MAEA: variants seen among roughly 807,000 people sequenced by gnomAD.
MAEA encodes macrophage erythroblast attacher, E3 ubiquitin ligase, also known as E3 ubiquitin-protein transferase MAEA.
In MAEA, 22 loss-of-function variants were observed where a neutral mutation model predicts 46.2. The ratio of observed to expected loss-of-function variants is 0.48; its 90% confidence interval spans 0.34 to 0.68. The LOEUF (loss-of-function observed/expected upper bound fraction) is 0.68. Ranked by LOEUF, MAEA falls within the 30% of genes least tolerant of loss-of-function variation. The probability of loss-of-function intolerance (pLI) is 0.01; values close to 1 mark genes in which losing one functional copy is unlikely to be tolerated. For missense variants in MAEA, 393 were observed against 558.1 expected, an observed-to-expected ratio of 0.70 and a Z score of 2.98; for synonymous variants, 246 against 222.6, an observed-to-expected ratio of 1.11 and a Z score of -0.94.
At chr4:1,304,462 A>G (rs1279931632) in intron 1 of MAEA, among the ~76,000 whole-genome samples, 1 of 152,018 alleles carries the variant, frequency 6.6e-6, no homozygotes, top group Non-Finnish European at 1.5e-5. Context: ...TTTATTTGAG[A>G]CGGAGTCTCG....
intron 5 of MAEA, 185 bp from the exon 6 acceptor site, chr4:1,332,572 C>T (rs1046111918): frequency 2.9e-5 from 15 of 521,198 alleles, no homozygotes; most frequent in African/African-American, 2.0e-4. Flanking sequence ...TTTACATTAG[C>T]TAGGTGTGGT....
chr4:1,297,874 T>A (rs1034868223), intron 1 of MAEA: 1 of 411,174 alleles, frequency 2.4e-6, no homozygotes, highest in African/African-American at 2.0e-5. Flanking sequence ...GTGGTCAGCC[T>A]CTTGCGTTTC....
At chr4:1,306,540 T>C (rs1474893354) in intron 1 of MAEA, among the ~76,000 whole-genome samples, 1 of 152,040 alleles carries the variant, frequency 6.6e-6, no homozygotes, top group East Asian at 1.9e-4. Context: ...AAAAGTGGGT[T>C]GGGGGGCTTG....
At position 1,328,520 on chromosome 4, in the gene MAEA, G is replaced by A; in HGVS notation, c.656+817G>A. ...ACGCTTGAGTTGCTGTGTGGGGTGT[G>A]TGGGCCTGGCTGGCCCTCAGCTCCC... is the stretch of plus-strand genomic sequence containing the variant. On this transcript the variant is annotated intron_variant, in intron 5 of 8. Transcript: ENST00000303400. 3.7e-6 allele frequency: 3 copies of A among 801,618 alleles called. No individual in the cohort carries two copies. In the South Asian group the frequency reaches 5.9e-5, roughly 16 times the overall value. 49.7% of individuals were successfully genotyped at this position (801,618 alleles called of 1,614,324 possible).
chr4:1,339,097 T>A lies in MAEA; in HGVS notation c.1119T>A (p.Asp373Glu). Residue 373 changes from aspartate to glutamate, a missense_variant, in exon 9 of 9, where the codon GAT (aspartate) becomes GAA (glutamate). By Grantham distance (45) the Asp-to-Glu change is conservative. This residue lies in a region of MAEA where 358 missense variants were observed against 537.9 expected (regional missense o/e 0.67). Transcript: ENST00000303400. The stretch of plus-strand genomic sequence containing the variant: ...AGTCTCTGCTTTCTATCCGTCAAGA[T>A]GATAAAGTCGTGTGCCCGAGAACCA... ...GYNSLLSIRQ[D>E]DKVVCPRTKE... is the part of the protein sequence containing the mutation. 2 of 1,613,960 alleles carry A rather than the reference T, an allele frequency of 1.2e-6. No homozygotes were observed. Among genetic ancestry groups the A allele is most frequent in the South Asian group, 1.1e-5 (1 of 91,086 alleles).
intron 1 of MAEA, among the ~76,000 whole-genome samples, chr4:1,304,365 C>T (rs1272963690): frequency 1.3e-5 from 2 of 152,036 alleles, no homozygotes; most frequent in African/African-American, 2.4e-5. Flanking sequence ...AACTCCTGGC[C>T]TCAAGCAGTC....
chr4:1,331,766 G>C (rs573354083), intron 5 of MAEA: 1 of 11,928 alleles, frequency 8.4e-5, no homozygotes, highest in African/African-American at 1.6e-3. Context: ...CCTGTGTGTG[G>C]GGGGGGGCAT....
intron 3 of MAEA, among the ~76,000 whole-genome samples, chr4:1,319,562 A>G (rs1338372158): frequency 6.6e-6 from 1 of 151,954 alleles, no homozygotes; most frequent in East Asian, 1.9e-4. Flanking sequence ...TTGACGGGAC[A>G]TGAGGCAGGA....
rs943288703 is a variant in MAEA at position 1,311,559 on chromosome 4, C to G, written c.70-420C>G. 5.9e-5 allele frequency among the ~76,000 whole-genome samples: 9 copies of G among 152,172 alleles called. No individual in the cohort carries two copies. The highest frequency in any genetic ancestry group is 2.2e-4 in the African/African-American group (9 of 41,430). On this transcript the variant is annotated intron_variant, in intron 1 of 8. Transcript: ENST00000303400. This position sits in a 1 kb window ranked among gnomAD's most constrained non-coding sequence, Gnocchi z 4.4. ...AGCCCACGCCCCATGCACCCTTGTC[C>G]CTGCCCGGCCTGGCCTCGTGTGGTG...
chr4:1,338,217 GCTT>G, intron 7 of MAEA: 1 of 520,228 alleles, frequency 1.9e-6, no homozygotes, highest in Non-Finnish European at 3.4e-6. Context: ...GAAGGCGCAG[GCTT>G]CTTGTCTCCA....
At chr4:1,293,300 G>A (rs1264358182) in intron 1 of MAEA, among the ~76,000 whole-genome samples, 1 of 152,118 alleles carries the variant, frequency 6.6e-6, no homozygotes, top group Non-Finnish European at 1.5e-5. Flanking sequence ...GCTGAGGCGA[G>A]AGGATCACTT....
chr4:1,298,038 G>A (rs1459636625), intron 1 of MAEA: 2 of 456,310 alleles, frequency 4.4e-6, no homozygotes, highest in South Asian at 3.1e-5. Context: ...GAACCCGGTT[G>A]CTGCCTGGAG....
At position 1,332,563 on chromosome 4, in the gene MAEA, T is replaced by C. The variant is rs140002880; in HGVS notation, c.657-194T>C. ...GAATCTGTCTCTAACAAGATGTTTT[T>C]TACATTAGCTAGGTGTGGTGCTGCA... On this transcript the variant is annotated intron_variant, in intron 5 of 8. Transcript: ENST00000303400. The C allele has an allele frequency of 7.2e-4, 353 of 487,656 alleles. 1 individual carries two copies. The highest frequency in any genetic ancestry group is 5.9e-3 in the African/African-American group (294 of 50,142). 30.2% of individuals were successfully genotyped at this position (487,656 alleles called of 1,614,324 possible).
At chr4:1,321,861 G>GT (rs1240201773) in intron 3 of MAEA, among the ~76,000 whole-genome samples, 1,920 of 134,384 alleles carry the variant, frequency 0.014, 24 homozygotes, top group Non-Finnish European at 0.02. Flanking sequence ...GGGTTACTCT[G>GT]TTTTTTTTGT....
At chr4:1,334,118 A>G (rs1339893633) in intron 6 of MAEA, among the ~76,000 whole-genome samples, 2,021 of 8,822 alleles carry the variant, frequency 0.23, 772 homozygotes, top group Non-Finnish European at 0.3. Context: ...GCTCACCCCC[A>G]TGCCCACCCC....
intron 1 of MAEA, chr4:1,299,854 T>G (rs2108870134): frequency 6.6e-6 from 1 of 152,358 alleles, no homozygotes; most frequent in South Asian, 2.1e-4. Flanking sequence ...TCTGCCCTTT[T>G]CCCTCGTGAG....
intron 1 of MAEA, among the ~76,000 whole-genome samples, chr4:1,304,668 T>C (rs930048879): frequency 6.6e-6 from 1 of 152,070 alleles, no homozygotes; most frequent in Non-Finnish European, 1.5e-5. Flanking sequence ...CTCCATCTCC[T>C]GACCTCATGA....
chr4:1,301,192 A>G (rs1413200429), intron 1 of MAEA, among the ~76,000 whole-genome samples: 4 of 152,248 alleles, frequency 2.6e-5, no homozygotes, highest in Non-Finnish European at 5.9e-5. Flanking sequence ...TTTGTCAGCA[A>G]ATTCTGTCAG....
At chr4:1,298,924 C>T (rs1417553769) in intron 1 of MAEA, among the ~76,000 whole-genome samples, 1 of 152,094 alleles carries the variant, frequency 6.6e-6, no homozygotes, top group Non-Finnish European at 1.5e-5. Flanking sequence ...CTCTGGCACC[C>T]AGGCGGGAGT....
Sources: allele counts gnomAD v4.1 joint callset (sites outside exome capture counted in the v4.1 genomes callset), GRCh38; gene constraint gnomAD v4.1.1; regional missense constraint gnomAD v4.1.1; non-coding constraint Gnocchi (gnomAD v3.1); transcripts MANE v1.5; gene names NCBI Gene and HGNC (gene_info 2026-07-23, HGNC 2026-07-21).